Variants in TEX9 observed in about 807,000 individuals in gnomAD.
TEX9 encodes testis expressed 9, also known as testis-expressed protein 9.
TEX9 carries 74 observed loss-of-function variants against 59.6 expected under a neutral mutation model. The ratio of observed to expected loss-of-function variants is 1.24; its 90% CI spans 1.03 to 1.51. TEX9 has a LOEUF of 1.51. TEX9 is among the 40% of genes most tolerant of loss of function. The pLI, the probability that TEX9 is intolerant of heterozygous loss-of-function variation, is 0.00. For synonymous variants in TEX9, 186 were observed against 152.2 expected (o/e 1.22, Z -1.64); for missense variants, 522 against 447.8 (o/e 1.17, Z -1.49).
chr15:56,279,835 A>G (rs2044772446), intron 1 of TEX9, among the ~76,000 whole-genome samples: 1 of 152,228 alleles, frequency 6.6e-6, no homozygotes, highest in Non-Finnish European at 1.5e-5. Context: ...CGTTCACAAA[A>G]TTTTAAAAAT....
intron 9 of TEX9, among the ~76,000 whole-genome samples, chr15:56,409,335 T>C (rs2049234693): frequency 6.6e-6 from 1 of 152,220 alleles, no homozygotes; most frequent in Non-Finnish European, 1.5e-5. Flanking sequence ...CCTAGGCTTG[T>C]CCTGCCCACT....
At chr15:56,454,028 A>AT in the TEX9 span, among the ~76,000 whole-genome samples, 2 of 152,118 alleles carry the variant, frequency 1.3e-5, no homozygotes, top group African/African-American at 4.8e-5. Context: ...GACAGTGAAA[A>AT]TTTTAATATG....
At chr15:56,257,523 T>A (rs529450962) in intron 1 of TEX9, among the ~76,000 whole-genome samples, 1 of 152,360 alleles carries the variant, frequency 6.6e-6, no homozygotes, top group Admixed American at 6.5e-5. Context: ...GTGGTTTTGA[T>A]TTGCATCTCT....
intron 9 of TEX9, among the ~76,000 whole-genome samples, chr15:56,401,932 A>G (rs1166133097): frequency 1.3e-5 from 2 of 152,236 alleles, no homozygotes; most frequent in Non-Finnish European, 2.9e-5. Context: ...TTTGAAACCA[A>G]TGAGAACAAA....
At chr15:56,411,501 G>GT (rs2049340530) in intron 9 of TEX9, among the ~76,000 whole-genome samples, 1 of 152,192 alleles carries the variant, frequency 6.6e-6, no homozygotes, top group South Asian at 2.1e-4. Context: ...ATCTAGCTGA[G>GT]TCAGTAGGTG....
chr15:56,276,513 C>T (rs1171363151), intron 1 of TEX9, among the ~76,000 whole-genome samples: 1 of 152,060 alleles, frequency 6.6e-6, no homozygotes, highest in Non-Finnish European at 1.5e-5. Flanking sequence ...TGAACCCATT[C>T]TTTTTTATGG....
At chr15:56,372,220 G>C (rs2047221879) in intron 2 of TEX9, among the ~76,000 whole-genome samples, 1 of 152,090 alleles carries the variant, frequency 6.6e-6, no homozygotes, top group Admixed American at 6.5e-5. Context: ...GCACCTTTAA[G>C]TCTTTCTTAG....
At chr15:56,443,971 A>AAATGTTTGTTGCATG in intron 12 of TEX9, 1 of 817,592 alleles carries the variant, frequency 1.2e-6, no homozygotes, top group Non-Finnish European at 1.8e-6. Flanking sequence ...CGTGCATGCA[A>AAATGTTTGTTGCATG]CAAACATTTT....
chr15:56,395,282 T>C (rs1254002744), intron 9 of TEX9: 4 of 161,466 alleles, frequency 2.5e-5, no homozygotes, highest in African/African-American at 7.2e-5. Flanking sequence ...GGTTCATTCA[T>C]GTTGCAGCCC....
At chr15:56,428,918 A>T in intron 12 of TEX9, 1 of 535,796 alleles carries the variant, frequency 1.9e-6, no homozygotes, top group Non-Finnish European at 3.2e-6. Context: ...CAGTACAAAA[A>T]TAACAGCTTG....
downstream of TEX9, among the ~76,000 whole-genome samples, chr15:56,448,710 T>G (rs1177496870): frequency 1.3e-5 from 2 of 151,830 alleles, no homozygotes; most frequent in Non-Finnish European, 2.9e-5. Flanking sequence ...ATGCATATGC[T>G]TTTTTTGGTA....
At chr15:56,314,581 A>G (rs1417371453) in intron 1 of TEX9, among the ~76,000 whole-genome samples, 13 of 151,446 alleles carry the variant, frequency 8.6e-5, no homozygotes, top group African/African-American at 3.2e-4. Context: ...TATGTGGTCA[A>G]TTTTGGAATA....
At chr15:56,272,036 C>T (rs949153351) in intron 1 of TEX9, among the ~76,000 whole-genome samples, 6 of 151,420 alleles carry the variant, frequency 4.0e-5, no homozygotes, top group Non-Finnish European at 5.9e-5. Flanking sequence ...CGCAGCTACT[C>T]GGGAGGCTGA....
intron 9 of TEX9, among the ~76,000 whole-genome samples, chr15:56,403,064 A>C (rs1375106168): frequency 2.0e-5 from 3 of 152,262 alleles, no homozygotes; most frequent in Non-Finnish European, 4.4e-5. Flanking sequence ...ATTCCCTTTG[A>C]AAACTGGCAC....
At chr15:56,394,119 C>T in intron 7 of TEX9, 46 bp from the exon 8 acceptor site, 1 of 1,537,884 alleles carries the variant, frequency 6.5e-7, no homozygotes, top group Admixed American at 1.8e-5. Flanking sequence ...TTGATGTCAT[C>T]TTAGATTCAG....
intron 1 of TEX9, among the ~76,000 whole-genome samples, chr15:56,245,908 A>G (rs1241794096): frequency 6.6e-6 from 1 of 152,110 alleles, no homozygotes; most frequent in East Asian, 1.9e-4. Context: ...ACGTTGAGGA[A>G]AGTTGCCAAG....
At chr15:56,330,946 G>A (rs1272345648) in intron 1 of TEX9, among the ~76,000 whole-genome samples, 1 of 151,978 alleles carries the variant, frequency 6.6e-6, no homozygotes, top group Non-Finnish European at 1.5e-5. Flanking sequence ...TACATAGACT[G>A]AAAATAAAGA....
chr15:56,427,908 A>T (rs1262433310), intron 11 of TEX9, among the ~76,000 whole-genome samples, 169 bp downstream of exon 11: 1 of 152,126 alleles, frequency 6.6e-6, no homozygotes, highest in Non-Finnish European at 1.5e-5. Context: ...AGTGAGATAT[A>T]TGTGTCATCT....
chr15:56,356,344 C>CT (rs1324912829), intron 1 of TEX9, among the ~76,000 whole-genome samples: 1 of 152,072 alleles, frequency 6.6e-6, no homozygotes, highest in South Asian at 2.1e-4. Context: ...TTTTAGTCTT[C>CT]TTTTTCTGAT....
Sources: gnomAD v4.1 joint callset for allele counts (sites outside exome capture counted in the v4.1 genomes callset) on GRCh38, gnomAD v4.1.1 for gene constraint, MANE v1.5 for transcripts, NCBI Gene and HGNC (gene_info 2026-07-23, HGNC 2026-07-21) for gene names.